Variants in PIEZO2 observed in about 807,000 individuals in gnomAD.
The protein encoded by PIEZO2 is piezo type mechanosensitive ion channel component 2, also known as piezo-type mechanosensitive ion channel component 2.
Under a neutral mutation model 337.3 loss-of-function variants are expected in PIEZO2, and 172 were observed. The ratio of observed to expected loss-of-function variants is 0.51; its 90% CI spans 0.45 to 0.58. The LOEUF (loss-of-function observed/expected upper bound fraction) is 0.58, where lower values mean the gene tolerates loss of function less well. Ranked by LOEUF, PIEZO2 falls within the 20% of genes least tolerant of loss-of-function variation. PIEZO2 has a pLI of 0.00. For missense variants in PIEZO2, 3,028 were observed against 3,391.3 expected (o/e 0.89, Z 2.66); for synonymous variants, 1,251 against 1,228.5 (o/e 1.02, Z -0.38).
At chr18:10,957,088 G>A (rs2033570003) in intron 3 of PIEZO2, among the ~76,000 whole-genome samples, 1 of 151,974 alleles carries the variant, frequency 6.6e-6, no homozygotes, top group Admixed American at 6.6e-5. Flanking sequence ...ATGGGGAAAG[G>A]ACAGTCTCCT....
At chr18:10,697,926 T>G in intron 44 of PIEZO2, 46 bp from the exon 45 acceptor site, 4 of 1,558,366 alleles carry the variant, frequency 2.6e-6, no homozygotes, top group Non-Finnish European at 3.5e-6. Context: ...AGCCTGGGGT[T>G]TGTTCACCTA....
At position 11,148,540 on chromosome 18, in the gene PIEZO2, T is replaced by C; in HGVS notation, c.49A>G (p.Ile17Val). The change falls in exon 1 of 56, where the codon ATC becomes GTC. Residue 17 changes from isoleucine (I) to valine (V), a missense_variant. By Grantham distance (29) the Ile-to-Val change is conservative (BLOSUM62 3). Coordinates refer to ENST00000674853, the MANE Select transcript of PIEZO2 (RefSeq NM_001378183.1). This position sits in a 1 kb window ranked among gnomAD's most constrained non-coding sequence, Gnocchi z 5.2. ...CGLIFRLLLP[I>V]CLAVACAFRY... is the part of the protein sequence containing the mutation. The stretch of plus-strand genomic sequence containing the variant: ...CCAGACTCACCTACTGCCAGGCAGA[T>C]GGGCAGCAGCAGCCTGAAGATGAGC... The C allele has an allele frequency of 1.3e-6, 2 of 1,537,162 alleles. No individual in the cohort carries two copies. The highest frequency in any genetic ancestry group is 1.7e-6 in the Non-Finnish European group (2 of 1,146,884).
Position 10,680,360 on chromosome 18 carries a change from T to G in PIEZO2, c.7791A>C (p.Gln2597His). Reference protein sequence around the residue: ...QAFSRDTGAMQFLENYEKEDI... With the variant: ...QAFSRDTGAMHFLENYEKEDI... Reference sequence around the variant, plus strand: ...CTTCTTTTTCATAATTTTCCAGAAATTGCATAGCACCCTGTATGTGCACAA... The same window carrying G: ...CTTCTTTTTCATAATTTTCCAGAAAGTGCATAGCACCCTGTATGTGCACAA... The change falls in exon 52 of 56, where the codon CAA (glutamine) becomes CAC (histidine). Residue 2597 changes from glutamine to histidine, a missense_variant. Physicochemically the swap from Gln to His is conservative, Grantham distance 24. This residue lies in a region of PIEZO2 where 332 missense variants were observed against 363.8 expected (regional missense o/e 0.91). Coordinates refer to ENST00000674853, the MANE Select transcript of PIEZO2 (RefSeq NM_001378183.1). 1 of 1,613,804 alleles carries G rather than the reference T, an allele frequency of 6.2e-7. No individual in the cohort carries two copies. The highest frequency in any genetic ancestry group is 2.2e-5 in the East Asian group (1 of 44,856).
chr18:10,914,492 A>G (rs988153413), intron 3 of PIEZO2, among the ~76,000 whole-genome samples: 1 of 152,186 alleles, frequency 6.6e-6, no homozygotes, highest in African/African-American at 2.4e-5. Context: ...CTGTAGATTA[A>G]TTATAATACC....
intron 12 of PIEZO2, among the ~76,000 whole-genome samples, chr18:10,796,789 G>A (rs1054030827): frequency 7.9e-5 from 12 of 152,084 alleles, no homozygotes; most frequent in African/African-American, 2.7e-4. Flanking sequence ...CCTGGCAGCC[G>A]CCACTCATAC....
chr18:10,719,774 AT>A (rs552056657), intron 36 of PIEZO2, among the ~76,000 whole-genome samples: 3 of 151,776 alleles, frequency 2.0e-5, no homozygotes, highest in Non-Finnish European at 2.9e-5. Flanking sequence ...AGAAATCTTC[AT>A]TTTTTTTGAG....
At chr18:10,798,963 T>C (rs1231094651) in intron 11 of PIEZO2, among the ~76,000 whole-genome samples, 1 of 144,648 alleles carries the variant, frequency 6.9e-6, no homozygotes, top group African/African-American at 2.5e-5. Flanking sequence ...GGTGTCATCA[T>C]GGGTTGGGTG....
intron 16 of PIEZO2, 84 bp from the exon 17 acceptor site, chr18:10,785,041 C>A (rs995159621): frequency 7.3e-7 from 1 of 1,365,384 alleles, no homozygotes; most frequent in Admixed American, 2.4e-5. Flanking sequence ...ACATCACAGT[C>A]TTACACTCCT....
intron 3 of PIEZO2, among the ~76,000 whole-genome samples, chr18:10,956,881 A>T (rs950906589): frequency 1.0e-4 from 15 of 150,626 alleles, no homozygotes; most frequent in Non-Finnish European, 2.2e-4. Flanking sequence ...AGGCAGGAGA[A>T]TCACTTGAAC....
chr18:11,052,983 G>A (rs902459913), intron 2 of PIEZO2, among the ~76,000 whole-genome samples: 13 of 152,198 alleles, frequency 8.5e-5, no homozygotes, highest in African/African-American at 2.7e-4. Flanking sequence ...TAGCTCTGTC[G>A]TCAAGGGCAT....
Position 10,833,488 on chromosome 18 carries a change from G to A in PIEZO2, c.917+21865C>T, listed in dbSNP as rs1042254372. Among the ~76,000 whole-genome samples the A allele has an allele frequency of 2.6e-5, 4 of 152,042 alleles. No individual in the cohort carries two copies. Among genetic ancestry groups the A allele is most frequent in the African/African-American group, 9.7e-5 (4 of 41,398 alleles). Reference sequence around the variant, plus strand: ...AGGTGGCAGAACATGCAGGCAGCTCGCTCCCCGGTGGGTTTTTATTTCTGT... The same window carrying A: ...AGGTGGCAGAACATGCAGGCAGCTCACTCCCCGGTGGGTTTTTATTTCTGT... On this transcript the variant is annotated intron_variant, in intron 7 of 55. Coordinates refer to ENST00000674853, the MANE Select transcript of PIEZO2 (RefSeq NM_001378183.1). This position sits in a 1 kb window ranked among gnomAD's most constrained non-coding sequence, Gnocchi z 4.7.
At chr18:10,923,693 C>A (rs1234490940) in intron 3 of PIEZO2, among the ~76,000 whole-genome samples, 1 of 152,244 alleles carries the variant, frequency 6.6e-6, no homozygotes, top group Non-Finnish European at 1.5e-5. Flanking sequence ...ATTGCATATA[C>A]TTTGAGTAAA....
intron 3 of PIEZO2, among the ~76,000 whole-genome samples, chr18:10,970,027 T>C (rs1172710252): frequency 6.6e-6 from 1 of 152,250 alleles, no homozygotes; most frequent in Non-Finnish European, 1.5e-5. Flanking sequence ...TGAGAGGTTC[T>C]ACCCTTAATT....
At chr18:10,817,226 A>G (rs1045850609) in intron 7 of PIEZO2, among the ~76,000 whole-genome samples, 4 of 152,138 alleles carry the variant, frequency 2.6e-5, no homozygotes, top group African/African-American at 9.6e-5. Context: ...TTTTAATGAG[A>G]GTTCCCTTAT....
intron 1 of PIEZO2, among the ~76,000 whole-genome samples, chr18:11,106,238 C>G (rs1241033564): frequency 6.6e-6 from 1 of 150,878 alleles, no homozygotes; most frequent in Non-Finnish European, 1.5e-5. Context: ...AGGCGCCCAC[C>G]ACCACGCCCA....
intron 2 of PIEZO2, among the ~76,000 whole-genome samples, chr18:11,046,842 C>A (rs890603882): frequency 6.6e-6 from 1 of 152,206 alleles, no homozygotes; most frequent in South Asian, 2.1e-4. Flanking sequence ...AGAAGCCATA[C>A]AAGAGGGCTG....
At chr18:10,852,767 C>G (rs559118859) in intron 7 of PIEZO2, among the ~76,000 whole-genome samples, 58 of 152,224 alleles carry the variant, frequency 3.8e-4, no homozygotes, top group Middle Eastern at 3.4e-3. Context: ...ATTCTGGCAC[C>G]GTCTTCACCT....
chr18:10,939,969 G>T (rs2032637324), intron 3 of PIEZO2, among the ~76,000 whole-genome samples: 1 of 152,110 alleles, frequency 6.6e-6, no homozygotes, highest in African/African-American at 2.4e-5. Flanking sequence ...CAGAGGCAGT[G>T]TGACATATGA....
chr18:11,033,522 C>G lies in PIEZO2; in HGVS notation c.160+32605G>C, dbSNP rs1228203320. ...TGCCATGTTTTTTACAGAATTGCCT[C>G]CAAGACACACTTAAGGAACGCATTC... is the stretch of plus-strand genomic sequence containing the variant. On this transcript the variant is annotated intron_variant, in intron 2 of 55. Coordinates refer to ENST00000674853, the MANE Select transcript of PIEZO2 (RefSeq NM_001378183.1). This position sits in a 1 kb window ranked among gnomAD's most constrained non-coding sequence, Gnocchi z 4.2. Among the ~76,000 whole-genome samples, 1 of 152,194 alleles carries G rather than the reference C, an allele frequency of 6.6e-6. No homozygotes were observed. Among genetic ancestry groups the G allele is most frequent in the African/African-American group, 2.4e-5 (1 of 41,446 alleles).
Sources: allele counts gnomAD v4.1 joint callset (sites outside exome capture counted in the v4.1 genomes callset), GRCh38; gene constraint gnomAD v4.1.1; regional missense constraint gnomAD v4.1.1; non-coding constraint Gnocchi (gnomAD v3.1); transcripts MANE v1.5; gene names NCBI Gene and HGNC (gene_info 2026-07-23, HGNC 2026-07-21).